The following THSD7A variants were observed in gnomAD, a reference collection of about 807,000 sequenced individuals.
THSD7A encodes thrombospondin type 1 domain containing 7A.
In THSD7A, 96 loss-of-function variants were observed where a neutral mutation model predicts 231.3. That is an observed-to-expected ratio of 0.41 (90% CI 0.35 to 0.49). The LOEUF is 0.49. THSD7A is among the 20% of genes least tolerant of loss of function. The pLI is 0.05. For missense variants in THSD7A, 2,290 were observed against 2,070.2 expected, an observed-to-expected ratio of 1.11 and a Z score of -2.06; for synonymous variants, 940 against 743.3, an observed-to-expected ratio of 1.26 and a Z score of -4.30.
At chr7:11,655,129 T>C (rs923556050) in intron 1 of THSD7A, among the ~76,000 whole-genome samples, 1 of 151,878 alleles carries the variant, frequency 6.6e-6, no homozygotes, top group South Asian at 2.1e-4. Flanking sequence ...TAGGAGCCTA[T>C]AATTCAGATG....
Position 11,636,457 on chromosome 7 carries a change from C to G in THSD7A, c.695G>C (p.Cys232Ser). The G allele has an allele frequency of 6.2e-7, 1 of 1,613,646 alleles. No individual in the cohort carries two copies. The highest frequency in any genetic ancestry group is 8.5e-7 in the Non-Finnish European group (1 of 1,179,796). The change falls in exon 2 of 28, where the codon TGT (cysteine) becomes TCT (serine). Residue 232 changes from cysteine to serine, a missense_variant. Coordinates refer to ENST00000423059, the MANE Select transcript of THSD7A (RefSeq NM_015204.3). This position sits in a 1 kb window ranked among gnomAD's most constrained non-coding sequence, Gnocchi z 10.0. ...VAPPQFGGSG[C>S]PNLTEFQVCQ... The stretch of plus-strand genomic sequence containing the variant: ...CACCTGGAACTCCGTCAGGTTTGGA[C>G]AGCCAGAGCCTCCGAACTGCGGGGG...
chr7:11,661,298 A>T lies in THSD7A; in HGVS notation c.191-24337T>A, dbSNP rs76076650. ...AAATTTTATCTGGAAGATTATATAA[A>T]TTATACACAACTCACTTTTATTTAT... On this transcript the variant is annotated intron_variant, in intron 1 of 27. Transcript: ENST00000423059. Among the ~76,000 whole-genome samples, 1,363 of 151,514 alleles carry T rather than the reference A, an allele frequency of 9.0e-3. 16 individuals are homozygous for T. The highest frequency in any genetic ancestry group is 0.031 in the African/African-American group (1,305 of 41,500).
intron 2 of THSD7A, among the ~76,000 whole-genome samples, chr7:11,635,089 G>A (rs1379379188): frequency 6.6e-6 from 1 of 152,084 alleles, no homozygotes. Context: ...ATTTCCAGAG[G>A]CCATAAGAAA....
intron 4 of THSD7A, among the ~76,000 whole-genome samples, chr7:11,562,403 A>G (rs1790112862): frequency 6.6e-6 from 1 of 152,204 alleles, no homozygotes; most frequent in African/African-American, 2.4e-5. Context: ...GTTGAGAAAA[A>G]TGCAATAAAT....
rs184126518 is a variant in THSD7A at position 11,811,742 on chromosome 7, C to A, written c.190+20015G>T. 1.2e-3 allele frequency among the ~76,000 whole-genome samples: 190 copies of A among 152,254 alleles called. 1 individual carries two copies. Among genetic ancestry groups the A allele is most frequent in the Middle Eastern group, 6.8e-3 (2 of 294 alleles). ...CAGCTGTATCCCATACAGCAGTGCACACTAAATATATCAGCTTAGCTGCCT... is the reference window on the plus strand; with the variant it reads ...CAGCTGTATCCCATACAGCAGTGCAAACTAAATATATCAGCTTAGCTGCCT... On this transcript the variant is annotated intron_variant, in intron 1 of 27. Coordinates refer to ENST00000423059, the MANE Select transcript of THSD7A (RefSeq NM_015204.3).
intron 1 of THSD7A, among the ~76,000 whole-genome samples, chr7:11,828,155 G>A (rs115588176): frequency 0.011 from 1,728 of 152,202 alleles, 28 homozygotes; most frequent in African/African-American, 0.039. Context: ...GTTTACAGTG[G>A]CTACCACCTA....
At chr7:11,507,549 T>G (rs1273659681) in intron 6 of THSD7A, among the ~76,000 whole-genome samples, 2 of 151,770 alleles carry the variant, frequency 1.3e-5, no homozygotes, top group Non-Finnish European at 2.9e-5. Flanking sequence ...TTAATCCAGG[T>G]ATGATTTTTA....
At chr7:11,565,921 G>A (rs1259601514) in intron 4 of THSD7A, among the ~76,000 whole-genome samples, 2 of 152,030 alleles carry the variant, frequency 1.3e-5, no homozygotes, top group East Asian at 1.9e-4. Context: ...TTAAACTGCT[G>A]GGTTTGACAT....
intron 19 of THSD7A, among the ~76,000 whole-genome samples, chr7:11,409,411 T>C (rs779422271): frequency 5.3e-5 from 8 of 152,218 alleles, no homozygotes; most frequent in Middle Eastern, 3.2e-3. Flanking sequence ...CTAATTGCCA[T>C]GCAACATTCA....
At chr7:11,774,021 C>T (rs1255000433) in intron 1 of THSD7A, among the ~76,000 whole-genome samples, 5 of 152,132 alleles carry the variant, frequency 3.3e-5, no homozygotes, top group Admixed American at 3.3e-4. Flanking sequence ...AGTTCTTCAA[C>T]AGTAGAATTA....
intron 3 of THSD7A, among the ~76,000 whole-genome samples, chr7:11,591,940 A>C (rs573229746): frequency 1.3e-5 from 2 of 152,318 alleles, no homozygotes; most frequent in Non-Finnish European, 2.9e-5. Context: ...TCTATGAAAA[A>C]TGCTTCCCCC....
chr7:11,635,604 T>G (rs903358864), intron 2 of THSD7A, among the ~76,000 whole-genome samples: 1 of 152,176 alleles, frequency 6.6e-6, no homozygotes, highest in Non-Finnish European at 1.5e-5. Context: ...CTGGTTGCTG[T>G]TTCCTTCTCT....
chr7:11,609,846 C>T (rs2681050), intron 2 of THSD7A, among the ~76,000 whole-genome samples: 73,877 of 151,724 alleles, frequency 0.49, 20,305 homozygotes, highest in African/African-American at 0.75. Context: ...TTTTTAATCA[C>T]TGGAAGAAAA....
intron 1 of THSD7A, among the ~76,000 whole-genome samples, chr7:11,780,957 G>A (rs1278238591): frequency 5.2e-5 from 6 of 115,838 alleles, no homozygotes. Context: ...CGCCACTGCA[G>A]TCCGCAGTCC....
chr7:11,577,696 G>T (rs554883809), intron 4 of THSD7A, among the ~76,000 whole-genome samples: 1 of 151,326 alleles, frequency 6.6e-6, no homozygotes, highest in Non-Finnish European at 1.5e-5. Context: ...CAGGCATAAA[G>T]CTCCCTATCT....
At chr7:11,456,736 C>A (rs1426735440) in intron 11 of THSD7A, among the ~76,000 whole-genome samples, 2 of 151,688 alleles carry the variant, frequency 1.3e-5, no homozygotes, top group Admixed American at 1.3e-4. Context: ...CAGCCATAGG[C>A]AATATGTAAA....
At chr7:11,456,324 A>C (rs904335268) in intron 11 of THSD7A, among the ~76,000 whole-genome samples, 22 of 151,896 alleles carry the variant, frequency 1.4e-4, no homozygotes, top group African/African-American at 4.8e-4. Flanking sequence ...CCCCTTTTTA[A>C]TTTTAATTTT....
chr7:11,633,458 C>G (rs1781726555), intron 2 of THSD7A, among the ~76,000 whole-genome samples: 1 of 152,154 alleles, frequency 6.6e-6, no homozygotes, highest in South Asian at 2.1e-4. Flanking sequence ...CTCAAGTATG[C>G]TTCAGCAGCC....
chr7:11,445,891 G>A (rs1380801958), intron 13 of THSD7A, among the ~76,000 whole-genome samples, 170 bp downstream of exon 13: 1 of 152,000 alleles, frequency 6.6e-6, no homozygotes, highest in Non-Finnish European at 1.5e-5. Context: ...ATGAGGCAAT[G>A]CCATTGAATG....
Sources: allele counts gnomAD v4.1 joint callset (sites outside exome capture counted in the v4.1 genomes callset), GRCh38; gene constraint gnomAD v4.1.1; non-coding constraint Gnocchi (gnomAD v3.1); transcripts MANE v1.5; gene names NCBI Gene and HGNC (gene_info 2026-07-23, HGNC 2026-07-21).